ATP8A2: variants seen among roughly 807,000 people sequenced by gnomAD.
ATP8A2 encodes the protein ATPase phospholipid transporting 8A2, also known as phospholipid-transporting ATPase IB.
ATP8A2 carries 100 observed loss-of-function variants against 165.6 expected under a neutral mutation model. That is an observed-to-expected ratio of 0.60 (90% CI 0.51 to 0.71). The LOEUF (loss-of-function observed/expected upper bound fraction) is 0.71, where lower values mean the gene tolerates loss of function less well. Among genes scored for constraint, ATP8A2 ranks in the 30% least tolerant of loss-of-function variants. ATP8A2 has a pLI of 0.00. For synonymous variants in ATP8A2, 543 were observed against 548.8 expected (o/e 0.99, Z 0.15); for missense variants, 1,227 against 1,479.5 (o/e 0.83, Z 2.80).
chr13:25,551,784 TCCAAATCTA>T, intron 11 of ATP8A2, among the ~76,000 whole-genome samples: 1 of 152,254 alleles, frequency 6.6e-6, no homozygotes, highest in South Asian at 2.1e-4. Flanking sequence ...TCCCAATTTA[TCCAAATCTA>T]CTTTTGATTA....
At chr13:25,944,259 C>T (rs553108677) in intron 33 of ATP8A2, among the ~76,000 whole-genome samples, 12 of 152,358 alleles carry the variant, frequency 7.9e-5, no homozygotes, top group African/African-American at 2.6e-4. Context: ...ATAATCCCAG[C>T]ACTTTGGGAG....
chr13:25,672,408 G>A (rs1018471951), intron 24 of ATP8A2, among the ~76,000 whole-genome samples: 1 of 152,118 alleles, frequency 6.6e-6, no homozygotes, highest in Non-Finnish European at 1.5e-5. Context: ...TCACTGCAGT[G>A]TGTGTTGTCT....
chr13:25,480,833 G>A (rs1242251297), intron 2 of ATP8A2, among the ~76,000 whole-genome samples: 4 of 150,412 alleles, frequency 2.7e-5, no homozygotes, highest in South Asian at 2.1e-4. Context: ...GTAGCGAGCC[G>A]AGATCACGCC....
intron 33 of ATP8A2, among the ~76,000 whole-genome samples, chr13:25,921,788 G>A (rs1954466734): frequency 1.3e-5 from 2 of 152,112 alleles, no homozygotes; most frequent in Admixed American, 1.3e-4. Flanking sequence ...TAATATTTAT[G>A]GTTTGAAGTA....
In ATP8A2 at chr13:25,902,571, A is replaced by T. The variant is rs1249109926; in HGVS notation, c.3183+40163A>T. Among the ~76,000 whole-genome samples, 4 of 74,620 alleles carry T rather than the reference A, an allele frequency of 5.4e-5. No individual in the cohort carries two copies. The East Asian group carries it at 1.4e-3, about 26-fold the overall frequency. The allele number at this position is 74,620 out of a possible 152,430, so 49.0% of individuals were successfully genotyped here. On this transcript the variant is annotated intron_variant, in intron 33 of 36. Transcript: ENST00000381655. Reference sequence around the variant, plus strand: ...CACATTATAGCAACAACATCAATTTAAAAAAAAAAAAACAAAAAAGAATTC... The same window carrying T: ...CACATTATAGCAACAACATCAATTTTAAAAAAAAAAAACAAAAAAGAATTC...
At chr13:25,994,107 C>A (rs1956446189) in intron 35 of ATP8A2, among the ~76,000 whole-genome samples, 1 of 152,074 alleles carries the variant, frequency 6.6e-6, no homozygotes, top group Non-Finnish European at 1.5e-5. Flanking sequence ...TCCCAAATTG[C>A]ATTGTATTTT....
In ATP8A2 at chr13:25,937,362, C is replaced by CTTTCTTTTT; in HGVS notation, c.3184-24210_3184-24209insCTTTTTTTT. ...TGCTTTGTCTTTCTATTCTTTCTTTCTTTTTTTTTTTTTTTTTGAACAGCC... is the reference window on the plus strand; with the variant it reads ...TGCTTTGTCTTTCTATTCTTTCTTTCTTTCTTTTTTTTTTTTTTTTTTTTTTGAACAGCC... On this transcript the variant is annotated intron_variant, in intron 33 of 36. Transcript: ENST00000381655. Among the ~76,000 whole-genome samples the CTTTCTTTTT allele has an allele frequency of 1.1e-3, 42 of 38,796 alleles. 5 individuals carry two copies. The highest frequency in any genetic ancestry group is 4.3e-3 in the East Asian group (2 of 462). The allele number at this position is 38,796 out of a possible 152,430, so 25.5% of individuals were successfully genotyped here.
intron 24 of ATP8A2, among the ~76,000 whole-genome samples, chr13:25,600,992 A>C (rs1194872389): frequency 2.6e-5 from 4 of 152,188 alleles, no homozygotes; most frequent in African/African-American, 9.7e-5. Context: ...TCGATTCTTC[A>C]TGGTACTTTG....
intron 24 of ATP8A2, among the ~76,000 whole-genome samples, chr13:25,656,689 T>C (rs1474092010): frequency 1.3e-5 from 2 of 149,218 alleles, no homozygotes; most frequent in Non-Finnish European, 3.0e-5. Context: ...TGCAGTGAGC[T>C]GAGATCGTGC....
At chr13:25,999,699 A>G (rs1315223918) in intron 35 of ATP8A2, among the ~76,000 whole-genome samples, 3 of 152,176 alleles carry the variant, frequency 2.0e-5, no homozygotes, top group African/African-American at 7.2e-5. Context: ...TTTGTTTCCA[A>G]CATTGGGTCT....
chr13:25,572,051 G>A (rs563849072), intron 18 of ATP8A2, among the ~76,000 whole-genome samples: 1 of 152,172 alleles, frequency 6.6e-6, no homozygotes, highest in South Asian at 2.1e-4. Flanking sequence ...GAGCCTAAGA[G>A]TTCTTACTCA....
chr13:25,571,498 A>T, intron 17 of ATP8A2, 112 bp from the exon 18 acceptor site: 1 of 732,544 alleles, frequency 1.4e-6, no homozygotes, highest in East Asian at 2.6e-5. Context: ...TTATGCAGAT[A>T]ACACCAGGCC....
At chr13:25,744,724 A>G (rs2043992005) in intron 25 of ATP8A2, among the ~76,000 whole-genome samples, 1 of 152,200 alleles carries the variant, frequency 6.6e-6, no homozygotes, top group Non-Finnish European at 1.5e-5. Context: ...CAGTGTTTGT[A>G]ATAAAAACTT....
At chr13:25,507,270 G>GTGTT (rs2037078948) in intron 2 of ATP8A2, among the ~76,000 whole-genome samples, 1 of 135,702 alleles carries the variant, frequency 7.4e-6, no homozygotes, top group African/African-American at 2.9e-5. Flanking sequence ...TGTGTATTTT[G>GTGTT]TTGTTGTTGT....
rs111657099 is a variant in ATP8A2 at position 25,483,713 on chromosome 13, C to T, written c.221+14592C>T. ...GCTAGGAGTTTGACACCAGCCTGGGCAACATAGTGAGATCCTATGTCTACA... is the reference window on the plus strand; with the variant it reads ...GCTAGGAGTTTGACACCAGCCTGGGTAACATAGTGAGATCCTATGTCTACA... On this transcript the variant is annotated intron_variant, in intron 2 of 36. Transcript: ENST00000381655. Among the ~76,000 whole-genome samples the T allele has an allele frequency of 5.9e-3, 894 of 152,234 alleles. 10 individuals carry two copies. Among genetic ancestry groups the T allele is most frequent in the Non-Finnish European group, 0.011 (729 of 68,024 alleles).
intron 20 of ATP8A2, 127 bp from the exon 21 acceptor site, chr13:25,578,688 A>G (rs2039687459): frequency 2.8e-6 from 2 of 701,882 alleles, no homozygotes. Flanking sequence ...GCCAAATGCT[A>G]AATTCCTACT....
intron 25 of ATP8A2, among the ~76,000 whole-genome samples, chr13:25,718,920 A>G (rs1042107881): frequency 6.6e-6 from 1 of 152,182 alleles, no homozygotes; most frequent in Non-Finnish European, 1.5e-5. Context: ...GTGGAAGGGA[A>G]TGGGCCCCTG....
At chr13:25,872,498 G>T (rs1000098955) in intron 33 of ATP8A2, among the ~76,000 whole-genome samples, 3 of 152,186 alleles carry the variant, frequency 2.0e-5, no homozygotes, top group Admixed American at 2.0e-4. Context: ...TTCCTACCAT[G>T]CATCTACCAA....
At chr13:25,461,244 G>T (rs540792683) in intron 1 of ATP8A2, among the ~76,000 whole-genome samples, 1 of 152,312 alleles carries the variant, frequency 6.6e-6, no homozygotes, top group East Asian at 1.9e-4. Flanking sequence ...TTTGTGCAAA[G>T]GAGGGTCTTG....
Sources: allele counts gnomAD v4.1 joint callset (sites outside exome capture counted in the v4.1 genomes callset), GRCh38; gene constraint gnomAD v4.1.1; transcripts MANE v1.5; gene names NCBI Gene and HGNC (gene_info 2026-07-23, HGNC 2026-07-21).